CA10: variants seen among roughly 807,000 people sequenced by gnomAD.
CA10 encodes the protein carbonic anhydrase 10 (inactive), also known as carbonic anhydrase-related protein 10.
CA10 carries 14 observed loss-of-function variants against 44.2 expected under a neutral mutation model. The observed-to-expected ratio is 0.32, with a 90% CI of 0.21 to 0.50. CA10 has a LOEUF of 0.50. Ranked by LOEUF, CA10 falls within the 20% of genes least tolerant of loss-of-function variation. The probability of loss-of-function intolerance (pLI) is 0.99; values close to 1 mark genes in which losing one functional copy is unlikely to be tolerated. For synonymous variants in CA10, 159 were observed against 141.6 expected, an observed-to-expected ratio of 1.12 and a Z score of -0.87; for missense variants, 350 against 409.7, an observed-to-expected ratio of 0.85 and a Z score of 1.26.
chr17:51,685,010 C>CT (rs972430818), intron 4 of CA10, among the ~76,000 whole-genome samples: 1 of 152,172 alleles, frequency 6.6e-6, no homozygotes, highest in African/African-American at 2.4e-5. Flanking sequence ...CTTCTTAGGT[C>CT]TCACATGTGG....
chr17:51,774,743 C>T (rs951311441), intron 3 of CA10, among the ~76,000 whole-genome samples: 14 of 152,058 alleles, frequency 9.2e-5, no homozygotes, highest in African/African-American at 3.1e-4. Context: ...TGTGCCCAGC[C>T]CACTCAAGGT....
intron 1 of CA10, among the ~76,000 whole-genome samples, chr17:52,154,951 G>C (rs2143422675): frequency 6.6e-6 from 1 of 152,320 alleles, no homozygotes; most frequent in African/African-American, 2.4e-5. Flanking sequence ...AAATTTGGGG[G>C]TGGGTTAGAG....
chr17:51,849,174 TAC>T (rs1158321198), intron 3 of CA10, among the ~76,000 whole-genome samples: 2 of 101,280 alleles, frequency 2.0e-5, no homozygotes, highest in East Asian at 2.4e-4. Flanking sequence ...TATATATATA[TAC>T]ATATATGTAT....
chr17:51,924,790 T>G (rs1034822158), intron 3 of CA10, among the ~76,000 whole-genome samples: 2 of 152,154 alleles, frequency 1.3e-5, no homozygotes, highest in Non-Finnish European at 2.9e-5. Flanking sequence ...CTTCCAGACC[T>G]GGGGTGGTTA....
chr17:51,887,950 A>G (rs946396270), intron 3 of CA10, among the ~76,000 whole-genome samples: 3 of 152,034 alleles, frequency 2.0e-5, no homozygotes, highest in African/African-American at 7.2e-5. Flanking sequence ...GCTTGAACCC[A>G]GGAGGCAGAG....
intron 7 of CA10, among the ~76,000 whole-genome samples, chr17:51,634,723 C>T (rs565811964): frequency 1.6e-4 from 25 of 152,166 alleles, no homozygotes; most frequent in Admixed American, 5.9e-4. Flanking sequence ...GTGCAAAATA[C>T]TACATATCAT....
chr17:51,709,826 C>T (rs1232332004), intron 4 of CA10, among the ~76,000 whole-genome samples: 1 of 152,086 alleles, frequency 6.6e-6, no homozygotes. Flanking sequence ...AGAGCTGGGC[C>T]CCACAGTACA....
chr17:52,009,263 TTTTC>T (rs1179711631), intron 2 of CA10, among the ~76,000 whole-genome samples: 1 of 151,974 alleles, frequency 6.6e-6, no homozygotes, highest in Non-Finnish European at 1.5e-5. Context: ...TGGACATAGA[TTTTC>T]TTTTTTACAG....
At chr17:52,135,256 C>T (rs897728954) in intron 1 of CA10, among the ~76,000 whole-genome samples, 3 of 152,124 alleles carry the variant, frequency 2.0e-5, no homozygotes, top group African/African-American at 7.2e-5. Context: ...GGAAAGACTC[C>T]ACTTTTGATA....
intron 3 of CA10, among the ~76,000 whole-genome samples, chr17:51,880,089 A>G (rs1980295551): frequency 6.6e-6 from 1 of 152,110 alleles, no homozygotes; most frequent in Admixed American, 6.5e-5. Flanking sequence ...CCAGGCCACT[A>G]ACCACCTGCT....
At chr17:51,797,872 A>T (rs1216362421) in intron 3 of CA10, among the ~76,000 whole-genome samples, 1 of 147,158 alleles carries the variant, frequency 6.8e-6, no homozygotes, top group Non-Finnish European at 1.5e-5. Context: ...AAAAAAAAAA[A>T]AAAGAACGAA....
intron 3 of CA10, among the ~76,000 whole-genome samples, chr17:51,802,453 T>C (rs1906967816): frequency 6.6e-6 from 1 of 151,118 alleles, no homozygotes; most frequent in Non-Finnish European, 1.5e-5. Context: ...CTGGAATCTG[T>C]AGAAGAAAGA....
At chr17:51,654,022 C>T (rs916391838) in intron 4 of CA10, among the ~76,000 whole-genome samples, 1 of 152,218 alleles carries the variant, frequency 6.6e-6, no homozygotes, top group Non-Finnish European at 1.5e-5. Context: ...AGGACATTTC[C>T]CCTAAAGCGT....
chr17:51,895,693 A>C (rs1312634577), intron 3 of CA10, among the ~76,000 whole-genome samples: 1 of 152,134 alleles, frequency 6.6e-6, no homozygotes, highest in Admixed American at 6.6e-5. Context: ...ATTTTTAACA[A>C]TATGAAAGAG....
intron 3 of CA10, among the ~76,000 whole-genome samples, chr17:51,772,426 A>C (rs1468581048): frequency 1.3e-5 from 2 of 152,232 alleles, no homozygotes; most frequent in East Asian, 1.9e-4. Context: ...GTGATATAAA[A>C]TAAGATTTCC....
At chr17:51,820,957 C>T (rs1379728880) in intron 3 of CA10, among the ~76,000 whole-genome samples, 1 of 151,714 alleles carries the variant, frequency 6.6e-6, no homozygotes, top group Non-Finnish European at 1.5e-5. Flanking sequence ...CCAGGTGGAA[C>T]TCCTTAGTAG....
intron 2 of CA10, among the ~76,000 whole-genome samples, chr17:51,982,563 T>G (rs565091940): frequency 3.3e-5 from 5 of 152,056 alleles, no homozygotes; most frequent in African/African-American, 1.2e-4. Flanking sequence ...TTGAACTAAT[T>G]TGTAACTGCA....
chr17:51,945,703 T>C (rs1983247112), intron 2 of CA10, among the ~76,000 whole-genome samples: 2 of 152,130 alleles, frequency 1.3e-5, no homozygotes, highest in Admixed American at 6.6e-5. Context: ...GTGGGCTAAA[T>C]TGGTCTTCCA....
chr17:52,072,911 A>G (rs1987723418), intron 1 of CA10, among the ~76,000 whole-genome samples: 1 of 152,178 alleles, frequency 6.6e-6, no homozygotes, highest in African/African-American at 2.4e-5. Context: ...ACTGTGGTGG[A>G]GGTTTTTGAC....
Sources: allele counts gnomAD v4.1 joint callset (sites outside exome capture counted in the v4.1 genomes callset), GRCh38; gene constraint gnomAD v4.1.1; transcripts MANE v1.5; gene names NCBI Gene and HGNC (gene_info 2026-07-23, HGNC 2026-07-21).